Variants in CASZ1 observed in about 807,000 individuals in gnomAD.
CASZ1 encodes castor zinc finger 1, also known as zinc finger protein castor homolog 1.
Under a neutral mutation model 135.2 loss-of-function variants are expected in CASZ1, and 28 were observed. That is an observed-to-expected ratio of 0.21 (90% CI 0.15 to 0.28). The LOEUF (loss-of-function observed/expected upper bound fraction) is 0.28, where lower values mean the gene tolerates loss of function less well. CASZ1 is among the 10% of genes least tolerant of loss of function. The pLI is 1.00. For missense variants in CASZ1, 2,161 were observed against 2,453.3 expected, an observed-to-expected ratio of 0.88 and a Z score of 2.52; for synonymous variants, 1,068 against 1,073.4, an observed-to-expected ratio of 0.99 and a Z score of 0.10.
chr1:10,693,793 A>T, intron 4 of CASZ1, 81 bp downstream of exon 4: 4 of 869,218 alleles, frequency 4.6e-6, no homozygotes, highest in Non-Finnish European at 6.9e-6. Flanking sequence ...CCGCCACCTC[A>T]TTGGGCTAAA....
intron 3 of CASZ1, chr1:10,704,333 G>C (rs149269634): frequency 6.5e-6 from 1 of 153,060 alleles, no homozygotes; most frequent in Non-Finnish European, 1.5e-5. Context: ...GAGAAAGGCC[G>C]AGAGGACCCG....
At chr1:10,668,333 C>T (rs1334157923) in intron 4 of CASZ1, among the ~76,000 whole-genome samples, 1 of 152,184 alleles carries the variant, frequency 6.6e-6, no homozygotes, top group Non-Finnish European at 1.5e-5. Context: ...ACGCCGTGGC[C>T]AGGCCTCAAT....
At chr1:10,659,519 A>G (rs1429425605) in intron 6 of CASZ1, among the ~76,000 whole-genome samples, 183 bp downstream of exon 6, 2 of 152,170 alleles carry the variant, frequency 1.3e-5, no homozygotes, top group African/African-American at 2.4e-5. Context: ...TGCGGCGCGC[A>G]CCTGTGTGTG....
intron 4 of CASZ1, among the ~76,000 whole-genome samples, chr1:10,681,326 G>C (rs492114): frequency 0.045 from 6,859 of 152,128 alleles, 532 homozygotes; most frequent in African/African-American, 0.15. Flanking sequence ...TACGGGGTCA[G>C]TCACTCAGAG....
chr1:10,785,744 G>A (rs1388885256), intron 1 of CASZ1, among the ~76,000 whole-genome samples: 1 of 152,260 alleles, frequency 6.6e-6, no homozygotes, highest in African/African-American at 2.4e-5. Context: ...GCTCTGCGAT[G>A]AGCTCAGGCC....
chr1:10,716,376 A>G (rs933303367), intron 2 of CASZ1, among the ~76,000 whole-genome samples: 2 of 152,242 alleles, frequency 1.3e-5, no homozygotes, highest in African/African-American at 4.8e-5. Context: ...AGGAAGTCAC[A>G]TGCACAAGCC....
intron 2 of CASZ1, among the ~76,000 whole-genome samples, chr1:10,738,636 C>G (rs1416173843): frequency 6.6e-6 from 1 of 152,176 alleles, no homozygotes; most frequent in Non-Finnish European, 1.5e-5. Context: ...GGCAGGGCCT[C>G]GACCCAACTG....
Position 10,756,822 on chromosome 1 carries a change from A to C in CASZ1, c.-77+3879T>G, listed in dbSNP as rs1640268256. ...GGGGCTTCAGACAAACCCATCTGCC[A>C]GCCCTCACAGCTCACCAACGACGCT... On this transcript the variant is annotated intron_variant, in intron 2 of 20. Coordinates refer to ENST00000377022, the MANE Select transcript of CASZ1 (RefSeq NM_001079843.3). The surrounding 1 kb of genome is among the most constrained non-coding windows in gnomAD (Gnocchi z 5.9). Among the ~76,000 whole-genome samples, 2 of 152,140 alleles carry C rather than the reference A, an allele frequency of 1.3e-5. No individual in the cohort carries two copies. Among genetic ancestry groups the C allele is most frequent in the African/African-American group, 2.4e-5 (1 of 41,422 alleles).
At chr1:10,674,563 G>A (rs773758647) in intron 4 of CASZ1, among the ~76,000 whole-genome samples, 6 of 152,342 alleles carry the variant, frequency 3.9e-5, no homozygotes, top group Middle Eastern at 3.4e-3. Context: ...CCCTGGGCTC[G>A]GGTCCCCAAC....
At chr1:10,693,806 T>C in intron 4 of CASZ1, 68 bp downstream of exon 4, 1 of 964,292 alleles carries the variant, frequency 1.0e-6, no homozygotes, top group South Asian at 1.3e-5. Context: ...GGGCTAAAAA[T>C]AAGAACTTCC....
intron 20 of CASZ1, among the ~76,000 whole-genome samples, chr1:10,640,588 T>C (rs1557453575): frequency 6.6e-6 from 1 of 152,164 alleles, no homozygotes; most frequent in Non-Finnish European, 1.5e-5. Context: ...CCCAGGGCTG[T>C]GCGGGGCTGC....
rs1570597123 is a variant in CASZ1 at position 10,791,284 on chromosome 1, T to C, written c.-234+5280A>G. ...CTGGAAAAAGCACTTGAGACAAAGG[T>C]CGGAGAAAGCGGAAGCTGAAGGTGA... On this transcript the variant is annotated intron_variant, in intron 1 of 20. Coordinates refer to ENST00000377022, the MANE Select transcript of CASZ1 (RefSeq NM_001079843.3). 2.6e-5 allele frequency among the ~76,000 whole-genome samples: 4 copies of C among 152,238 alleles called. No individual in the cohort carries two copies. In the East Asian group the frequency reaches 7.7e-4, roughly 29 times the overall value.
At position 10,638,101 on chromosome 1, in the gene CASZ1, C is replaced by T. The variant is rs1026482453; in HGVS notation, c.*841G>A. 1 of 152,440 alleles carries T rather than the reference C, an allele frequency of 6.6e-6. No homozygotes were observed. Among genetic ancestry groups the T allele is most frequent in the Admixed American group, 6.5e-5 (1 of 15,284 alleles). 9.4% of individuals were successfully genotyped at this position (152,440 alleles called of 1,614,324 possible). On this transcript the variant is annotated 3_prime_UTR_variant, in exon 21 of 21. Transcript: ENST00000377022. The surrounding 1 kb of genome is among the most constrained non-coding windows in gnomAD (Gnocchi z 5.9). ...CCCAGGCGGGTCTGCACTCTCACCA[C>T]GCCTGCTTTCTTCCTTTTTGTTCTA...
rs183815314 is a variant in CASZ1, at chr1:10,644,827, C to T, written c.3868+90G>A. ...GTGGAGCCTGCGGTGGGGAACAGGACGCGGGTACCAGGAGAGGCGGCCCAG... is the reference window on the plus strand; with the variant it reads ...GTGGAGCCTGCGGTGGGGAACAGGATGCGGGTACCAGGAGAGGCGGCCCAG... On this transcript the variant is annotated intron_variant, in intron 18 of 20. Coordinates refer to ENST00000377022, the MANE Select transcript of CASZ1 (RefSeq NM_001079843.3). 2.5e-4 allele frequency: 335 copies of T among 1,358,984 alleles called. No homozygotes were observed. In the African/African-American group the frequency reaches 3.4e-3, roughly 14 times the overall value. 84.2% of individuals were successfully genotyped at this position (1,358,984 alleles called of 1,614,324 possible).
intron 2 of CASZ1, among the ~76,000 whole-genome samples, chr1:10,752,710 CA>C (rs1159274777): frequency 6.6e-6 from 1 of 152,226 alleles, no homozygotes; most frequent in Admixed American, 6.5e-5. Flanking sequence ...AGAGAAAATA[CA>C]GTATGCCCAG....
At chr1:10,656,013 G>A (rs1300656186) in intron 8 of CASZ1, among the ~76,000 whole-genome samples, 200 bp from the exon 9 acceptor site, 1 of 152,196 alleles carries the variant, frequency 6.6e-6, no homozygotes, top group Non-Finnish European at 1.5e-5. Flanking sequence ...AAGGTTCTAG[G>A]ACCATAGATT....
Position 10,726,187 on chromosome 1 carries a change from C to T in CASZ1, c.-76-20643G>A, listed in dbSNP as rs775689312. Among the ~76,000 whole-genome samples the T allele has an allele frequency of 5.3e-5, 8 of 152,152 alleles. No homozygotes were observed. The highest frequency in any genetic ancestry group is 9.7e-5 in the African/African-American group (4 of 41,416). On this transcript the variant is annotated intron_variant, in intron 2 of 20. Coordinates refer to ENST00000377022, the MANE Select transcript of CASZ1 (RefSeq NM_001079843.3). This position sits in a 1 kb window ranked among gnomAD's most constrained non-coding sequence, Gnocchi z 5.7. ...GTTAGTGTTTATGGAGGGCTGACCG[C>T]GTCCCAGGCAGAGTGAAGTCGGTTT...
chr1:10,783,550 A>G (rs191979392), intron 1 of CASZ1, among the ~76,000 whole-genome samples: 181 of 152,220 alleles, frequency 1.2e-3, no homozygotes, highest in Non-Finnish European at 1.9e-3. Context: ...AGAACTCCAC[A>G]GGCCCAAACA....
intron 1 of CASZ1, among the ~76,000 whole-genome samples, chr1:10,783,239 G>A (rs1570589368): frequency 8.2e-6 from 1 of 121,492 alleles, no homozygotes; most frequent in East Asian, 2.4e-4. Context: ...GGCTAGGCCA[G>A]TGGAGAAGTG....
Sources: allele counts gnomAD v4.1 joint callset (sites outside exome capture counted in the v4.1 genomes callset), GRCh38; gene constraint gnomAD v4.1.1; non-coding constraint Gnocchi (gnomAD v3.1); transcripts MANE v1.5; gene names NCBI Gene and HGNC (gene_info 2026-07-23, HGNC 2026-07-21).